PTPRN2: variants seen among roughly 807,000 people sequenced by gnomAD.
PTPRN2 encodes the protein protein tyrosine phosphatase receptor type N2.
A neutral mutation model predicts 118.8 loss-of-function variants in PTPRN2; 74 were observed. The observed-to-expected ratio is 0.62, with a 90% confidence interval of 0.52 to 0.76. The LOEUF (loss-of-function observed/expected upper bound fraction) is 0.76. Among genes scored for constraint, PTPRN2 ranks in the 30% least tolerant of loss-of-function variants. The pLI, the probability that PTPRN2 is intolerant of heterozygous loss-of-function variation, is 0.00. For missense variants in PTPRN2, 1,481 were observed against 1,394.4 expected (o/e 1.06, Z -0.99); for synonymous variants, 641 against 608.0 (o/e 1.05, Z -0.80).
At chr7:158,261,599 C>T (rs1190799117) in intron 3 of PTPRN2, among the ~76,000 whole-genome samples, 1 of 152,122 alleles carries the variant, frequency 6.6e-6, no homozygotes, top group African/African-American at 2.4e-5. Flanking sequence ...CATCCTGAGC[C>T]AGAATGTGGA....
chr7:158,189,919 G>C (rs528322854), intron 5 of PTPRN2, among the ~76,000 whole-genome samples: 1 of 152,282 alleles, frequency 6.6e-6, no homozygotes, highest in Admixed American at 6.5e-5. Flanking sequence ...TGGGAGAAAT[G>C]CCAGTTTCCA....
At position 157,591,761 on chromosome 7, in the gene PTPRN2, C is replaced by T. The variant is rs542234636; in HGVS notation, c.2496+3477G>A. ...GGCCTCCCAGGCAAATGTGACTGTG[C>T]TAGGAAGCAACTCTCCTCCATCCTG... On this transcript the variant is annotated intron_variant, in intron 17 of 22. Transcript: ENST00000389418. The surrounding 1 kb of genome is among the most constrained non-coding windows in gnomAD (Gnocchi z 4.4). Among the ~76,000 whole-genome samples, 15 of 152,306 alleles carry T rather than the reference C, an allele frequency of 9.8e-5. No homozygotes were observed. Among genetic ancestry groups the T allele is most frequent in the African/African-American group, 3.4e-4 (14 of 41,564 alleles).
chr7:157,927,394 C>T (rs1220690223), intron 11 of PTPRN2, among the ~76,000 whole-genome samples: 2 of 122,146 alleles, frequency 1.6e-5, no homozygotes, highest in African/African-American at 3.3e-5. Context: ...AGACAGGAAG[C>T]CCCAGGGACC....
Position 157,874,808 on chromosome 7 carries a change from CACACTCATGGACACACACAGAG to C in PTPRN2, c.1788+23843_1788+23864del. On this transcript the variant is annotated intron_variant, in intron 12 of 22. Coordinates refer to ENST00000389418, the MANE Select transcript of PTPRN2 (RefSeq NM_002847.5). The surrounding 1 kb of genome is among the most constrained non-coding windows in gnomAD (Gnocchi z 5.8). The stretch of plus-strand genomic sequence containing the variant: ...ACTCATACACATATACACACAGAGA[CACACTCATGGACACACACAGAG>C]ACACACTCATGCACATATACACACG... 8.9e-6 allele frequency among the ~76,000 whole-genome samples: 1 copy of C among 111,942 alleles called. No homozygotes were observed. The highest frequency in any genetic ancestry group is 5.0e-3 in the Middle Eastern group (1 of 200). The allele number at this position is 111,942 out of a possible 152,430, so 73.4% of individuals were successfully genotyped here.
Position 158,563,351 on chromosome 7 carries a change from G to A in PTPRN2, c.112+24207C>T, listed in dbSNP as rs112579746. ...AAGTACCCAAGTGGAACGCAGATAC[G>A]GCACGTCAGTGAGAACAAAAGCATC... On this transcript the variant is annotated intron_variant, in intron 1 of 22. Coordinates refer to ENST00000389418, the MANE Select transcript of PTPRN2 (RefSeq NM_002847.5). This position sits in a 1 kb window ranked among gnomAD's most constrained non-coding sequence, Gnocchi z 5.1. 1.3e-5 allele frequency among the ~76,000 whole-genome samples: 2 copies of A among 152,188 alleles called. No individual in the cohort carries two copies. Among genetic ancestry groups the A allele is most frequent in the Non-Finnish European group, 2.9e-5 (2 of 68,026 alleles).
chr7:157,630,473 C>T (rs572701281), intron 14 of PTPRN2, among the ~76,000 whole-genome samples: 21 of 152,280 alleles, frequency 1.4e-4, no homozygotes, highest in Admixed American at 1.3e-3. Flanking sequence ...GGGAGTGAAC[C>T]GGCTTCTTCA....
rs1018268217 is a variant in PTPRN2 at position 157,627,087 on chromosome 7, T to C, written c.2197-5578A>G. The stretch of plus-strand genomic sequence containing the variant: ...CTCTTCTCCTTTTTTCACATCTCCC[T>C]CATTCTCCACAGTCCAGGTCCCAGG... On this transcript the variant is annotated intron_variant, in intron 14 of 22. Transcript: ENST00000389418. This position sits in a 1 kb window ranked among gnomAD's most constrained non-coding sequence, Gnocchi z 4.2. Among the ~76,000 whole-genome samples the C allele has an allele frequency of 3.9e-5, 6 of 152,342 alleles. No homozygotes were observed. Among genetic ancestry groups the C allele is most frequent in the African/African-American group, 1.4e-4 (6 of 41,588 alleles).
At chr7:157,927,860 C>T (rs1332430917) in intron 11 of PTPRN2, among the ~76,000 whole-genome samples, 1 of 152,066 alleles carries the variant, frequency 6.6e-6, no homozygotes, top group South Asian at 2.1e-4. Context: ...TTCTTACGCA[C>T]ACCCTTCACA....
chr7:158,403,177 G>T (rs1182947105), intron 2 of PTPRN2, among the ~76,000 whole-genome samples: 1 of 152,212 alleles, frequency 6.6e-6, no homozygotes, highest in Non-Finnish European at 1.5e-5. Context: ...CAGAATGCAC[G>T]TGGGCACGTG....
intron 1 of PTPRN2, among the ~76,000 whole-genome samples, chr7:158,552,808 G>A (rs765236462): frequency 2.0e-5 from 3 of 152,314 alleles, no homozygotes; most frequent in Admixed American, 6.5e-5. Context: ...AAGACCACAC[G>A]TTTTGTGCAC....
intron 6 of PTPRN2, among the ~76,000 whole-genome samples, chr7:158,144,568 G>A (rs560169984): frequency 6.6e-6 from 1 of 152,318 alleles, no homozygotes; most frequent in South Asian, 2.1e-4. Context: ...GAACCTTGGG[G>A]GTGGAGGTTG....
chr7:157,866,593 G>A (rs961886902), intron 12 of PTPRN2, among the ~76,000 whole-genome samples: 2 of 152,062 alleles, frequency 1.3e-5, no homozygotes, highest in African/African-American at 4.8e-5. Flanking sequence ...CCATAGAGGT[G>A]GAGCTGAGGC....
chr7:158,540,471 G>C (rs926369679), intron 1 of PTPRN2, among the ~76,000 whole-genome samples: 1 of 152,110 alleles, frequency 6.6e-6, no homozygotes, highest in African/African-American at 2.4e-5. Flanking sequence ...GCTGGGTCTC[G>C]GGGGGCAATG....
intron 21 of PTPRN2, among the ~76,000 whole-genome samples, chr7:157,566,645 T>C (rs1799499077): frequency 6.6e-6 from 1 of 152,224 alleles, no homozygotes; most frequent in Non-Finnish European, 1.5e-5. Context: ...CATGGCTGCA[T>C]GCGTATTGTC....
At chr7:158,228,652 C>A (rs1050203378) in intron 3 of PTPRN2, among the ~76,000 whole-genome samples, 5 of 151,994 alleles carry the variant, frequency 3.3e-5, no homozygotes, top group African/African-American at 1.2e-4. Context: ...GAAAACACCC[C>A]AAGCAGACAG....
rs902433212 is a variant in PTPRN2 at position 157,809,600 on chromosome 7, C to T, written c.1788+89073G>A. ...AGATGAGGCCCTTATCCAGTACGGCCGGCATCCTTCTAAGAAGAGACAGCA... is the reference window on the plus strand; with the variant it reads ...AGATGAGGCCCTTATCCAGTACGGCTGGCATCCTTCTAAGAAGAGACAGCA... On this transcript the variant is annotated intron_variant, in intron 12 of 22. Coordinates refer to ENST00000389418, the MANE Select transcript of PTPRN2 (RefSeq NM_002847.5). 8.5e-5 allele frequency among the ~76,000 whole-genome samples: 13 copies of T among 152,280 alleles called. No individual in the cohort carries two copies. In the East Asian group the frequency reaches 1.2e-3, roughly 14 times the overall value.
intron 9 of PTPRN2, among the ~76,000 whole-genome samples, chr7:158,128,125 C>CT (rs924210174): frequency 6.6e-6 from 1 of 152,136 alleles, no homozygotes; most frequent in Non-Finnish European, 1.5e-5. Flanking sequence ...AAAAGTCCCC[C>CT]TTTTTTAAAG....
At chr7:158,528,053 C>T (rs977963393) in intron 1 of PTPRN2, among the ~76,000 whole-genome samples, 2 of 152,210 alleles carry the variant, frequency 1.3e-5, no homozygotes, top group African/African-American at 2.4e-5. Flanking sequence ...CAGGGACAGC[C>T]GAGGAGCTGC....
chr7:158,554,356 A>G (rs1176444113), intron 1 of PTPRN2, among the ~76,000 whole-genome samples: 1 of 152,220 alleles, frequency 6.6e-6, no homozygotes, highest in Non-Finnish European at 1.5e-5. Context: ...CCAGGAGACA[A>G]TTGGTTGGTT....
Sources: allele counts gnomAD v4.1 joint callset (sites outside exome capture counted in the v4.1 genomes callset), GRCh38; gene constraint gnomAD v4.1.1; non-coding constraint Gnocchi (gnomAD v3.1); transcripts MANE v1.5; gene names NCBI Gene and HGNC (gene_info 2026-07-23, HGNC 2026-07-21).